Variants in VNN1 observed in about 807,000 individuals in gnomAD.
VNN1 encodes the protein pantetheinase.
A neutral mutation model predicts 41.9 loss-of-function variants in VNN1; 29 were observed. That is an observed-to-expected ratio of 0.69 (90% confidence interval 0.52 to 0.94). VNN1 has a LOEUF of 0.94. Ranked by LOEUF, VNN1 falls within the 40% of genes least tolerant of loss-of-function variation. The pLI is 0.00. For synonymous variants in VNN1, 233 were observed against 224.4 expected (o/e 1.04, Z -0.34); for missense variants, 637 against 621.1 (o/e 1.03, Z -0.27).
intron 5 of VNN1, among the ~76,000 whole-genome samples, chr6:132,691,685 G>A (rs1778286646): frequency 6.6e-6 from 1 of 152,102 alleles, no homozygotes; most frequent in South Asian, 2.1e-4. Flanking sequence ...AAATTGAACT[G>A]ACATCTAAGG....
At chr6:132,713,723 A>T in intron 1 of VNN1, 103 bp downstream of exon 1, 1 of 1,257,854 alleles carries the variant, frequency 8.0e-7, no homozygotes, top group Non-Finnish European at 1.1e-6. Context: ...TCTGATACAT[A>T]TATCATCTAA....
At chr6:132,712,763 G>T (rs1349219078) in intron 1 of VNN1, among the ~76,000 whole-genome samples, 2 of 152,128 alleles carry the variant, frequency 1.3e-5, no homozygotes, top group Non-Finnish European at 2.9e-5. Context: ...AAAAAGCTCT[G>T]TGACCTTCAA....
intron 2 of VNN1, among the ~76,000 whole-genome samples, chr6:132,706,393 C>T (rs1374979558): frequency 6.6e-6 from 1 of 152,080 alleles, no homozygotes; most frequent in Non-Finnish European, 1.5e-5. Flanking sequence ...ATGCCAAGAG[C>T]ATATATTGGG....
rs756176078 is a variant in VNN1, at chr6:132,694,092, T to C, written c.432A>G (p.Pro144=). The C allele has an allele frequency of 1.1e-5, 17 of 1,614,072 alleles. No homozygotes were observed. In the Admixed American group the frequency reaches 2.7e-4, roughly 25 times the overall value. Residue 144 remains proline (P), a synonymous_variant, in exon 3 of 7, where the codon CCA becomes CCG. Transcript: ENST00000367928. Reference sequence around the variant, plus strand: ...GACACTGAGGATCACTGGTATCGCATGGCTTCTTGTCCCCAATATTTGCCA... The same window carrying C: ...GACACTGAGGATCACTGGTATCGCACGGCTTCTTGTCCCCAATATTTGCCA... The part of the protein sequence containing the change: ...YVVANIGDKK[P]CDTSDPQCPP...
chr6:132,700,485 G>A (rs1023003194), intron 2 of VNN1, among the ~76,000 whole-genome samples: 1 of 152,088 alleles, frequency 6.6e-6, no homozygotes, highest in Non-Finnish European at 1.5e-5. Flanking sequence ...AAACTGCTGG[G>A]CCACCCACTG....
intron 1 of VNN1, among the ~76,000 whole-genome samples, chr6:132,712,139 AT>A (rs140079711): frequency 6.0e-5 from 8 of 134,424 alleles, no homozygotes; most frequent in East Asian, 2.1e-4. Flanking sequence ...CTAGTCAAGC[AT>A]TTTTTTTTCT....
At chr6:132,686,452 A>C (rs1342989013) in intron 5 of VNN1, among the ~76,000 whole-genome samples, 2 of 152,208 alleles carry the variant, frequency 1.3e-5, no homozygotes, top group African/African-American at 2.4e-5. Flanking sequence ...TCTCAAAAAA[A>C]ACAAAGTTTA....
intron 5 of VNN1, among the ~76,000 whole-genome samples, chr6:132,685,245 G>A (rs1471307340): frequency 6.6e-6 from 1 of 152,168 alleles, no homozygotes; most frequent in Admixed American, 6.5e-5. Flanking sequence ...AAGTATGTGA[G>A]TCATCTCACC....
chr6:132,686,067 T>G (rs1778202667), intron 5 of VNN1, among the ~76,000 whole-genome samples: 1 of 152,084 alleles, frequency 6.6e-6, no homozygotes, highest in South Asian at 2.1e-4. Context: ...CCCAGTTAAA[T>G]GTGAAGTTCA....
intron 2 of VNN1, 75 bp downstream of exon 2, chr6:132,711,634 T>C (rs1778600911): frequency 1.3e-6 from 2 of 1,530,642 alleles, no homozygotes; most frequent in Non-Finnish European, 1.8e-6. Flanking sequence ...ATCTATGCAA[T>C]GATCATCAAC....
At position 132,683,231 on chromosome 6, in the gene VNN1, C is replaced by T. The variant is rs143624951; in HGVS notation, c.1451G>A (p.Trp484Ter). Residue 484 changes from tryptophan (W) to a stop codon, truncating the protein, a stop_gained, in exon 7 of 7, where the codon TGG (tryptophan) becomes TAG (stop). Transcript: ENST00000367928. LOFTEE classifies it low-confidence loss of function (END_TRUNC). ...TLFGRLYEKD[W>*]ASNASSGLTA... ...GAGGCCTGATGAAGCATTTGATGCCCAGTCCTTCTCATACAACCTCCCAAA... is the reference window on the plus strand; with the variant it reads ...GAGGCCTGATGAAGCATTTGATGCCTAGTCCTTCTCATACAACCTCCCAAA... The T allele has an allele frequency of 1.2e-5, 20 of 1,613,978 alleles. No individual in the cohort carries two copies. Among genetic ancestry groups the T allele is most frequent in the African/African-American group, 2.7e-5 (2 of 74,914 alleles).
intron 2 of VNN1, chr6:132,698,893 G>A (rs1028903390): frequency 1.5e-5 from 3 of 202,954 alleles, no homozygotes; most frequent in South Asian, 2.1e-4. Flanking sequence ...GACTAATTGA[G>A]TTTGCACATG....
chr6:132,683,024 A>ACT lies in VNN1; in HGVS notation c.*115_*116insAG. On this transcript the variant is annotated 3_prime_UTR_variant, in exon 7 of 7. Transcript: ENST00000367928. ...TGGTGTGTGTGTGTTTGTCTAAATA[A>ACT]AGAGAAACTAGTAATTCACTTATAC... 1 of 823,166 alleles carries ACT rather than the reference A, an allele frequency of 1.2e-6. No homozygotes were observed. The allele number at this position is 823,166 out of a possible 1,614,324, so 51.0% of individuals were successfully genotyped here. A position where few individuals can be genotyped will look rare whatever the true frequency, so the allele number is the denominator to read the frequency against.
At chr6:132,712,214 A>G (rs1319532785) in intron 1 of VNN1, among the ~76,000 whole-genome samples, 1 of 147,612 alleles carries the variant, frequency 6.8e-6, no homozygotes, top group East Asian at 2.0e-4. Flanking sequence ...CAATGGCTAG[A>G]TCTCGGCTTA....
rs1411433011 is a variant in VNN1, at chr6:132,681,984, T to C, written c.*1156A>G. 6.6e-6 allele frequency: 1 copy of C among 152,356 alleles called. No individual in the cohort carries two copies. The highest frequency in any genetic ancestry group is 2.4e-5 in the African/African-American group (1 of 41,468). 9.4% of individuals were successfully genotyped at this position (152,356 alleles called of 1,614,324 possible). A position where few individuals can be genotyped will look rare whatever the true frequency, so the allele number is the denominator to read the frequency against. On this transcript the variant is annotated 3_prime_UTR_variant, in exon 7 of 7. Coordinates refer to ENST00000367928, the MANE Select transcript of VNN1 (RefSeq NM_004666.3). ...ATTGTCCATCATCACAGCACTATGA[T>C]ATTAGTGCTCAGAGTCTATCAGTCA...
intron 2 of VNN1, among the ~76,000 whole-genome samples, chr6:132,696,283 C>G (rs1239725217): frequency 6.6e-6 from 1 of 152,100 alleles, no homozygotes; most frequent in Non-Finnish European, 1.5e-5. Context: ...ATTATTGAGT[C>G]TGCAGAACAA....
chr6:132,689,698 T>A (rs1027655939), intron 5 of VNN1, among the ~76,000 whole-genome samples: 19 of 152,168 alleles, frequency 1.2e-4, no homozygotes, highest in Admixed American at 1.2e-3. Context: ...GTCAGTACAG[T>A]CTCCTTTGTC....
chr6:132,695,894 A>T lies in VNN1; in HGVS notation c.342-1712T>A, dbSNP rs192886352. On this transcript the variant is annotated intron_variant, in intron 2 of 6. Transcript: ENST00000367928. The stretch of plus-strand genomic sequence containing the variant: ...ACCCAGAGAATCTGATTCCCAGAGT[A>T]ACCATGTGATAAGATTCAAATGTCT... 2.4e-4 allele frequency among the ~76,000 whole-genome samples: 36 copies of T among 152,310 alleles called. No individual in the cohort carries two copies. The East Asian group carries it at 6.2e-3, about 26-fold the overall frequency.
Position 132,707,269 on chromosome 6 carries a change from C to T in VNN1, c.341+4440G>A, listed in dbSNP as rs151016265. On this transcript the variant is annotated intron_variant, in intron 2 of 6. Coordinates refer to ENST00000367928, the MANE Select transcript of VNN1 (RefSeq NM_004666.3). Reference sequence around the variant, plus strand: ...AATCAAAAGTACAATTATATCATCTCACACCTGTTAAAATGACTTATAACA... The same window carrying T: ...AATCAAAAGTACAATTATATCATCTTACACCTGTTAAAATGACTTATAACA... Among the ~76,000 whole-genome samples the T allele has an allele frequency of 7.9e-5, 12 of 151,120 alleles. No individual in the cohort carries two copies. In the East Asian group the frequency reaches 1.9e-3, roughly 25 times the overall value.
Sources: allele counts gnomAD v4.1 joint callset (sites outside exome capture counted in the v4.1 genomes callset), GRCh38; gene constraint gnomAD v4.1.1; transcripts MANE v1.5; gene names NCBI Gene and HGNC (gene_info 2026-07-23, HGNC 2026-07-21).